The following MEGF11 variants were observed in gnomAD, a reference collection of about 807,000 sequenced individuals.
The protein encoded by MEGF11 is multiple epidermal growth factor-like domains protein 11.
A neutral mutation model predicts 146.6 loss-of-function variants in MEGF11; 126 were observed. The ratio of observed to expected loss-of-function variants is 0.86; its 90% CI spans 0.74 to 1.00. The LOEUF is 1.00. Ranked by LOEUF, MEGF11 falls within the 50% of genes least tolerant of loss-of-function variation. The pLI, the probability that MEGF11 is intolerant of heterozygous loss-of-function variation, is 0.00. For synonymous variants in MEGF11, 532 were observed against 583.4 expected (o/e 0.91, Z 1.27); for missense variants, 1,509 against 1,521.2 (o/e 0.99, Z 0.13).
intron 5 of MEGF11, among the ~76,000 whole-genome samples, chr15:66,066,368 G>A (rs955689279): frequency 6.6e-6 from 1 of 152,310 alleles, no homozygotes; most frequent in Middle Eastern, 3.4e-3. Flanking sequence ...GGCATGCTGG[G>A]ATCCATCTAA....
chr15:65,951,816 TAGTG>T (rs1242986870), intron 10 of MEGF11, among the ~76,000 whole-genome samples: 1 of 151,956 alleles, frequency 6.6e-6, no homozygotes, highest in Non-Finnish European at 1.5e-5. Context: ...CTGGGCAACA[TAGTG>T]AGACTCCATC....
At chr15:66,093,057 G>A (rs554458292) in intron 5 of MEGF11, among the ~76,000 whole-genome samples, 48 of 152,280 alleles carry the variant, frequency 3.2e-4, no homozygotes, top group African/African-American at 1.1e-3. Context: ...ACCTTTCATT[G>A]TCTGGCCCTG....
At position 65,957,654 on chromosome 15, in the gene MEGF11, A is replaced by G; in HGVS notation, c.1180T>C (p.Cys394Arg). ...GWSGHHCNES[C>R]PVGYYGDGCQ... is the part of the protein sequence containing the mutation. ...CCATCGCCATAGTAGCCAACAGGGC[A>G]GGATTCATTGCAGTGGTGACCAGAC... is the stretch of plus-strand genomic sequence containing the variant. Residue 394 changes from cysteine (C) to arginine (R), a missense_variant, in exon 10 of 26, where the codon TGC becomes CGC. Coordinates refer to ENST00000395614, the MANE Select transcript of MEGF11 (RefSeq NM_001385028.1). 9 of 1,613,972 alleles carry G rather than the reference A, an allele frequency of 5.6e-6. No individual in the cohort carries two copies. Among genetic ancestry groups the G allele is most frequent in the Non-Finnish European group, 7.6e-6 (9 of 1,179,894 alleles).
intron 1 of MEGF11, among the ~76,000 whole-genome samples, chr15:66,248,857 T>C (rs1451423639): frequency 6.6e-6 from 1 of 152,232 alleles, no homozygotes; most frequent in Non-Finnish European, 1.5e-5. Context: ...ATGTTAAGCC[T>C]GCATAATTAC....
intron 5 of MEGF11, among the ~76,000 whole-genome samples, chr15:66,072,546 T>C (rs1414974497): frequency 1.3e-5 from 2 of 152,208 alleles, no homozygotes; most frequent in Admixed American, 1.3e-4. Context: ...ATCCCCAGCA[T>C]CTAAAACAGG....
intron 5 of MEGF11, among the ~76,000 whole-genome samples, chr15:66,064,797 G>T (rs1034657003): frequency 3.8e-4 from 58 of 152,112 alleles, no homozygotes; most frequent in African/African-American, 1.3e-3. Flanking sequence ...TCAAAGTGCT[G>T]GGATTACAGG....
At position 65,913,965 on chromosome 15, in the gene MEGF11, T is replaced by C. The variant is rs754353699; in HGVS notation, c.2482A>G (p.Met828Val). The change falls in exon 20 of 26, where the codon ATG becomes GTG. Residue 828 changes from methionine to valine, a missense_variant. By Grantham distance (21) the Met-to-Val change is conservative. Coordinates refer to ENST00000395614, the MANE Select transcript of MEGF11 (RefSeq NM_001385028.1). ...GTGTAGGGATTCAGCTCCTCCATCA[T>C]GAGGGCAGCTGCGGGCAGAGGGAGG... ...KGIRCDQAAL[M>V]MEELNPYTKI... is the part of the protein sequence containing the mutation. The C allele has an allele frequency of 8.9e-5, 143 of 1,613,236 alleles. 1 individual carries two copies. The South Asian group carries it at 1.4e-3, about 15-fold the overall frequency.
intron 1 of MEGF11, among the ~76,000 whole-genome samples, chr15:66,230,133 C>T (rs915269055): frequency 1.4e-4 from 22 of 152,190 alleles, no homozygotes; most frequent in African/African-American, 5.3e-4. Context: ...CTCCAGCTGC[C>T]TCCGAGCCCA....
Position 65,987,802 on chromosome 15 carries a change from C to T in MEGF11, c.395-5314G>A, listed in dbSNP as rs956421405. Among the ~76,000 whole-genome samples, 5 of 151,418 alleles carry T rather than the reference C, an allele frequency of 3.3e-5. 1 individual carries two copies. The South Asian group carries it at 6.3e-4, about 19-fold the overall frequency. The stretch of plus-strand genomic sequence containing the variant: ...CTTGGCTCACTGCAACCTCCACCTC[C>T]TGGGTTCAAAGGATTCTCCTGCCTC... On this transcript the variant is annotated intron_variant, in intron 5 of 25. Coordinates refer to ENST00000395614, the MANE Select transcript of MEGF11 (RefSeq NM_001385028.1).
At chr15:66,186,982 A>T (rs1245718099) in intron 1 of MEGF11, among the ~76,000 whole-genome samples, 1 of 152,202 alleles carries the variant, frequency 6.6e-6, no homozygotes, top group African/African-American at 2.4e-5. Flanking sequence ...GTGTGGCCTC[A>T]GGTGCATTAT....
chr15:66,117,524 G>T (rs1181808181), intron 4 of MEGF11, among the ~76,000 whole-genome samples: 7 of 152,178 alleles, frequency 4.6e-5, no homozygotes. Context: ...ATGGAAATTA[G>T]AAAGGAAATG....
chr15:66,104,950 G>T (rs978516287), intron 4 of MEGF11, among the ~76,000 whole-genome samples: 1 of 152,092 alleles, frequency 6.6e-6, no homozygotes, highest in African/African-American at 2.4e-5. Context: ...GACAACAAAT[G>T]CTGCTTAGTG....
intron 10 of MEGF11, among the ~76,000 whole-genome samples, chr15:65,954,036 A>G (rs964583015): frequency 1.3e-5 from 2 of 151,994 alleles, no homozygotes; most frequent in African/African-American, 4.8e-5. Context: ...GTCATGGGGG[A>G]TACTCACATC....
At chr15:65,924,527 T>G (rs1263163063) in intron 13 of MEGF11, among the ~76,000 whole-genome samples, 3 of 151,930 alleles carry the variant, frequency 2.0e-5, no homozygotes, top group African/African-American at 7.3e-5. Context: ...AGAGGGAGCT[T>G]GGGAAAGTGG....
chr15:66,205,583 G>A lies in MEGF11; in HGVS notation c.-9+48022C>T, dbSNP rs577468621. Among the ~76,000 whole-genome samples the A allele has an allele frequency of 3.9e-5, 6 of 152,342 alleles. 1 individual carries two copies. Among genetic ancestry groups the A allele is most frequent in the Admixed American group, 6.5e-5 (1 of 15,308 alleles). On this transcript the variant is annotated intron_variant, in intron 1 of 25. Transcript: ENST00000395614. ...CTCAACACACTCGCTGGTGGTATCA[G>A]AGAAGACCAAGAAAGGAGCTGAAAC...
chr15:65,963,480 C>T (rs555853400), intron 9 of MEGF11, among the ~76,000 whole-genome samples: 1 of 151,806 alleles, frequency 6.6e-6, no homozygotes, highest in African/African-American at 2.4e-5. Context: ...TAATTCATAT[C>T]TCTGATATTG....
chr15:66,194,175 A>G (rs1167537838), intron 1 of MEGF11, among the ~76,000 whole-genome samples: 1 of 152,252 alleles, frequency 6.6e-6, no homozygotes, highest in African/African-American at 2.4e-5. Context: ...ACAAAAATGA[A>G]TGAAATAATG....
chr15:66,003,974 T>C (rs1463703584), intron 5 of MEGF11, among the ~76,000 whole-genome samples: 2 of 152,210 alleles, frequency 1.3e-5, no homozygotes, highest in Non-Finnish European at 2.9e-5. Flanking sequence ...ATCTTGGCCA[T>C]GACTCAAATT....
At chr15:66,022,097 A>G (rs1412976322) in intron 5 of MEGF11, among the ~76,000 whole-genome samples, 1 of 152,178 alleles carries the variant, frequency 6.6e-6, no homozygotes, top group Admixed American at 6.5e-5. Flanking sequence ...GAATAAGGAT[A>G]TAAAGACCCA....
Sources: allele counts gnomAD v4.1 joint callset (sites outside exome capture counted in the v4.1 genomes callset), GRCh38; gene constraint gnomAD v4.1.1; transcripts MANE v1.5; gene names NCBI Gene and HGNC (gene_info 2026-07-23, HGNC 2026-07-21).